GTF2I: variants seen among roughly 807,000 people sequenced by gnomAD.
GTF2I encodes general transcription factor II-I.
Under a neutral mutation model 67.6 loss-of-function variants are expected in GTF2I, and 12 were observed. The ratio of observed to expected loss-of-function variants is 0.18; its 90% confidence interval spans 0.11 to 0.29. The LOEUF is 0.29. Ranked by LOEUF, GTF2I falls within the 10% of genes least tolerant of loss-of-function variation. The probability of loss-of-function intolerance (pLI) is 1.00; values close to 1 mark genes in which losing one functional copy is unlikely to be tolerated. For synonymous variants in GTF2I, 149 were observed against 197.0 expected (o/e 0.76, Z 2.04); for missense variants, 271 against 580.1 (o/e 0.47, Z 5.47).
intron 1 of GTF2I, among the ~76,000 whole-genome samples, chr7:74,667,149 AAAAC>A (rs1182524771): frequency 1.3e-5 from 2 of 152,136 alleles, no homozygotes; most frequent in South Asian, 2.1e-4. Flanking sequence ...TGTCTCAAGG[AAAAC>A]AAACAAACAA....
Position 74,732,691 on chromosome 7 carries a change from T to G in GTF2I, c.1304+29T>G, listed in dbSNP as rs587602903. The G allele has an allele frequency of 5.7e-5, 87 of 1,539,148 alleles. No individual in the cohort carries two copies. In the South Asian group the frequency reaches 1.0e-3, roughly 19 times the overall value. ...AGACTCTTGGATTCCTGTTGAACTC[T>G]TGTCTCTTTTCTGAGTAATACGTCT... On this transcript the variant is annotated intron_variant, in intron 15 of 34. Coordinates refer to ENST00000573035, the MANE Select transcript of GTF2I (RefSeq NM_032999.4).
intron 1 of GTF2I, among the ~76,000 whole-genome samples, chr7:74,688,488 CT>C (rs1787944894): frequency 6.6e-6 from 1 of 152,040 alleles, no homozygotes; most frequent in Non-Finnish European, 1.5e-5. Context: ...CGGAGTTTTG[CT>C]CTTGTCACCC....
intron 1 of GTF2I, among the ~76,000 whole-genome samples, chr7:74,665,531 C>T (rs1804902388): frequency 6.6e-6 from 1 of 151,098 alleles, no homozygotes; most frequent in African/African-American, 2.4e-5. Flanking sequence ...GATTACAGGC[C>T]TGAGCCACCA....
Position 74,724,321 on chromosome 7 carries a change from A to G in GTF2I, c.944-4465A>G, listed in dbSNP as rs148530875. Among the ~76,000 whole-genome samples the G allele has an allele frequency of 9.5e-4, 145 of 152,256 alleles. 1 individual carries two copies. Among genetic ancestry groups the G allele is most frequent in the African/African-American group, 3.3e-3 (137 of 41,550 alleles). ...GTGTTGATTGTTTTTTTAACTTTGA[A>G]TAGATGTCAGATTGTATGATAACAC... On this transcript the variant is annotated intron_variant, in intron 12 of 34. Coordinates refer to ENST00000573035, the MANE Select transcript of GTF2I (RefSeq NM_032999.4).
rs1161320476 is a variant in GTF2I at position 74,662,511 on chromosome 7, CTTTTTTTTTTTT to C, written c.-6+4461_-6+4472del. ...AGGCGTGAGCCACTGCACCTGGACC[CTTTTTTTTTTTT>C]TTTTTTTTTTTTTTTTTGAGACACA... is the stretch of plus-strand genomic sequence containing the variant. On this transcript the variant is annotated intron_variant, in intron 1 of 34. Coordinates refer to ENST00000573035, the MANE Select transcript of GTF2I (RefSeq NM_032999.4). 7.2e-4 allele frequency among the ~76,000 whole-genome samples: 36 copies of C among 50,222 alleles called. 3 individuals carry two copies. The highest frequency in any genetic ancestry group is 1.7e-3 in the African/African-American group (21 of 12,052). 32.9% of individuals were successfully genotyped at this position (50,222 alleles called of 152,430 possible).
At chr7:74,706,953 G>A (rs907171323) in intron 8 of GTF2I, among the ~76,000 whole-genome samples, 3 of 152,146 alleles carry the variant, frequency 2.0e-5, no homozygotes, top group Admixed American at 6.5e-5. Flanking sequence ...GGGTTCAAGC[G>A]ATTCTCCCAC....
At chr7:74,687,601 AG>A (rs1554395846) in intron 1 of GTF2I, 1 of 952,550 alleles carries the variant, frequency 1.0e-6, no homozygotes, top group African/African-American at 1.8e-5. Context: ...CTGGGCTAGC[AG>A]TTAATTCACA....
intron 2 of GTF2I, among the ~76,000 whole-genome samples, chr7:74,690,083 C>T (rs1252428233): frequency 3.3e-5 from 5 of 152,056 alleles, no homozygotes; most frequent in African/African-American, 1.2e-4. Context: ...AGCGTGGCAG[C>T]GTGTGCCTGT....
intron 3 of GTF2I, among the ~76,000 whole-genome samples, chr7:74,693,914 A>G (rs1554397740): frequency 2.6e-5 from 4 of 152,162 alleles, no homozygotes; most frequent in African/African-American, 9.7e-5. Flanking sequence ...AGTGAAAGGA[A>G]GACTTGCAGG....
chr7:74,700,724 T>G, intron 6 of GTF2I, 90 bp downstream of exon 6: 1 of 1,220,460 alleles, frequency 8.2e-7, no homozygotes, highest in Non-Finnish European at 1.2e-6. Context: ...TTATTGTCTT[T>G]GAGAATATGA....
At chr7:74,675,308 G>C (rs1254738312) in intron 1 of GTF2I, among the ~76,000 whole-genome samples, 1 of 152,192 alleles carries the variant, frequency 6.6e-6, no homozygotes, top group Non-Finnish European at 1.5e-5. Flanking sequence ...ATTTTGAGCA[G>C]GAATATCCAT....
chr7:74,658,285 G>A (rs1372743574), intron 1 of GTF2I, among the ~76,000 whole-genome samples: 45 of 150,194 alleles, frequency 3.0e-4, no homozygotes, highest in African/African-American at 9.2e-4. Context: ...AGCCCCGCCG[G>A]CCTTGGCAGT....
intron 1 of GTF2I, among the ~76,000 whole-genome samples, chr7:74,688,083 T>G (rs1387086154): frequency 6.6e-6 from 1 of 152,174 alleles, no homozygotes; most frequent in Non-Finnish European, 1.5e-5. Flanking sequence ...AAAATATACA[T>G]AATTTTTTTG....
intron 3 of GTF2I, among the ~76,000 whole-genome samples, chr7:74,694,995 C>T (rs1410102604): frequency 6.6e-6 from 1 of 152,146 alleles, no homozygotes; most frequent in East Asian, 1.9e-4. Flanking sequence ...TAGTGTTGTT[C>T]ACCGAATATT....
chr7:74,728,515 G>C (rs1794152347), intron 12 of GTF2I, among the ~76,000 whole-genome samples: 1 of 112,180 alleles, frequency 8.9e-6, no homozygotes, highest in African/African-American at 3.5e-5. Context: ...ATTTGAGAAG[G>C]GGAAATTTAT....
At position 74,737,342 on chromosome 7, in the gene GTF2I, G is replaced by C. The variant is rs1477663055; in HGVS notation, c.1619+659G>C. ...CAAGTGAAGGAAATCATATGAGTAGGGGGAGGAGGTGGCAAATATGCCTGC... is the reference window on the plus strand; with the variant it reads ...CAAGTGAAGGAAATCATATGAGTAGCGGGAGGAGGTGGCAAATATGCCTGC... On this transcript the variant is annotated intron_variant, in intron 18 of 34. Transcript: ENST00000573035. 2.0e-5 allele frequency among the ~76,000 whole-genome samples: 3 copies of C among 146,914 alleles called. 1 individual carries two copies. The highest frequency in any genetic ancestry group is 7.4e-5 in the African/African-American group (3 of 40,596).
intron 7 of GTF2I, among the ~76,000 whole-genome samples, chr7:74,705,764 G>A (rs1790571522): frequency 2.0e-5 from 3 of 151,862 alleles, no homozygotes; most frequent in Admixed American, 6.6e-5. Context: ...GGGTTTCACC[G>A]TGTTGGCCAG....
chr7:74,690,344 T>C (rs1788164533), intron 2 of GTF2I, among the ~76,000 whole-genome samples: 1 of 152,216 alleles, frequency 6.6e-6, no homozygotes, highest in African/African-American at 2.4e-5. Flanking sequence ...TCAAGGTATA[T>C]TCATTAAATG....
At chr7:74,700,186 G>T in intron 4 of GTF2I, 61 bp from the exon 5 acceptor site, 1 of 1,550,928 alleles carries the variant, frequency 6.4e-7, no homozygotes, top group Non-Finnish European at 8.9e-7. Context: ...ATAAGCTAGC[G>T]ATGATTTCAT....
Sources: allele counts gnomAD v4.1 joint callset (sites outside exome capture counted in the v4.1 genomes callset), GRCh38; gene constraint gnomAD v4.1.1; transcripts MANE v1.5; gene names NCBI Gene and HGNC (gene_info 2026-07-23, HGNC 2026-07-21).